EPHA6: variants seen among roughly 807,000 people sequenced by gnomAD.
The protein encoded by EPHA6 is EPH receptor A6, also known as ephrin type-A receptor 6.
Under a neutral mutation model 112.0 loss-of-function variants are expected in EPHA6, and 50 were observed. That is an observed-to-expected ratio of 0.45 (90% confidence interval 0.36 to 0.56). The LOEUF (loss-of-function observed/expected upper bound fraction) is 0.56, where lower values mean the gene tolerates loss of function less well. Among genes scored for constraint, EPHA6 ranks in the 20% least tolerant of loss-of-function variants. The pLI, the probability that EPHA6 is intolerant of heterozygous loss-of-function variation, is 0.00. For missense variants in EPHA6, 1,280 were observed against 1,417.4 expected, an observed-to-expected ratio of 0.90 and a Z score of 1.56; for synonymous variants, 529 against 490.7, an observed-to-expected ratio of 1.08 and a Z score of -1.03.
intron 1 of EPHA6, among the ~76,000 whole-genome samples, chr3:96,824,485 A>AT (rs1375653566): frequency 6.6e-6 from 1 of 151,840 alleles, no homozygotes; most frequent in African/African-American, 2.4e-5. Context: ...TATAATATAC[A>AT]TTTTTTCTGG....
At chr3:97,214,699 AT>A (rs1189274884) in intron 3 of EPHA6, among the ~76,000 whole-genome samples, 2 of 152,110 alleles carry the variant, frequency 1.3e-5, no homozygotes, top group Non-Finnish European at 2.9e-5. Flanking sequence ...AAATGAGGAT[AT>A]GTTTGTAATT....
intron 3 of EPHA6, among the ~76,000 whole-genome samples, chr3:97,216,295 C>T (rs975850856): frequency 2.0e-5 from 3 of 152,028 alleles, no homozygotes; most frequent in African/African-American, 4.8e-5. Context: ...AACCTTATCT[C>T]GCATGAACTA....
At chr3:96,966,191 A>T (rs1429989033) in intron 2 of EPHA6, among the ~76,000 whole-genome samples, 1 of 152,136 alleles carries the variant, frequency 6.6e-6, no homozygotes, top group African/African-American at 2.4e-5. Flanking sequence ...ATTAGAATTG[A>T]ATTGAATTTA....
rs566357036 is a variant in EPHA6 at position 97,398,458 on chromosome 3, C to T, written c.1607-6692C>T. Among the ~76,000 whole-genome samples, 18 of 151,030 alleles carry T rather than the reference C, an allele frequency of 1.2e-4. No individual in the cohort carries two copies. In the South Asian group the frequency reaches 1.7e-3, roughly 14 times the overall value. ...TTTATTAATGGTGGTTTATTAAGAG[C>T]GAATGTGTCTTAATTTAAATGGCAA... On this transcript the variant is annotated intron_variant, in intron 5 of 17. Coordinates refer to ENST00000389672, the MANE Select transcript of EPHA6 (RefSeq NM_001080448.3).
intron 5 of EPHA6, among the ~76,000 whole-genome samples, chr3:97,357,233 G>A (rs998288923): frequency 5.3e-5 from 8 of 152,090 alleles, no homozygotes; most frequent in African/African-American, 1.9e-4. Context: ...TTTAGATGGA[G>A]TCTCGCTCTG....
chr3:97,214,593 A>G (rs748968765), intron 3 of EPHA6, among the ~76,000 whole-genome samples: 7 of 151,740 alleles, frequency 4.6e-5, no homozygotes, highest in Non-Finnish European at 1.0e-4. Context: ...GATTTTTGCC[A>G]TATGTATAAT....
At chr3:97,107,722 A>G (rs1347805572) in intron 3 of EPHA6, among the ~76,000 whole-genome samples, 1 of 152,072 alleles carries the variant, frequency 6.6e-6, no homozygotes, top group Non-Finnish European at 1.5e-5. Flanking sequence ...TTCTATTAGA[A>G]TTTACTTGAT....
At chr3:97,120,075 G>A (rs1334168973) in intron 3 of EPHA6, among the ~76,000 whole-genome samples, 1 of 151,900 alleles carries the variant, frequency 6.6e-6, no homozygotes, top group Non-Finnish European at 1.5e-5. Flanking sequence ...AAAGTAGTTA[G>A]TTATCTTCTT....
chr3:97,710,075 T>C (rs2033888233), intron 14 of EPHA6, among the ~76,000 whole-genome samples: 1 of 152,224 alleles, frequency 6.6e-6, no homozygotes, highest in African/African-American at 2.4e-5. Flanking sequence ...GATTTATTTG[T>C]ATTAAACATA....
chr3:97,747,552 G>A lies in EPHA6; in HGVS notation c.3258G>A (p.Leu1086=). 1 of 1,606,664 alleles carries A rather than the reference G, an allele frequency of 6.2e-7. No homozygotes were observed. The change falls in exon 17 of 18, where the codon CTG becomes CTA. Residue 1086 remains leucine, a synonymous_variant. Coordinates refer to ENST00000389672, the MANE Select transcript of EPHA6 (RefSeq NM_001080448.3). ...CAGCAGGGTTTACAACATTTGACCT[G>A]ATTTCAAGAATGAGCATTGAGTAAG... ...FVAAGFTTFD[L]ISRMSIDDIR...
chr3:97,314,548 C>T (rs942075550), intron 5 of EPHA6, among the ~76,000 whole-genome samples: 33 of 151,704 alleles, frequency 2.2e-4, no homozygotes, highest in African/African-American at 8.0e-4. Flanking sequence ...TTTAGGGTAT[C>T]TAAAAGCTGA....
intron 3 of EPHA6, among the ~76,000 whole-genome samples, chr3:97,039,528 G>C (rs939403769): frequency 6.6e-6 from 1 of 151,962 alleles, no homozygotes; most frequent in African/African-American, 2.4e-5. Flanking sequence ...AGTTGGAATA[G>C]ATTATGAGAG....
At chr3:97,625,009 G>A (rs2093843910) in intron 13 of EPHA6, among the ~76,000 whole-genome samples, 1 of 151,376 alleles carries the variant, frequency 6.6e-6, no homozygotes. Flanking sequence ...TTTTGGTTTT[G>A]TGGATTTTCT....
chr3:97,297,193 C>T (rs545803326), intron 5 of EPHA6, among the ~76,000 whole-genome samples: 2 of 152,306 alleles, frequency 1.3e-5, no homozygotes, highest in South Asian at 4.1e-4. Flanking sequence ...CACCATTTCA[C>T]ACACCGGGGA....
chr3:97,074,631 A>G (rs1576439001), intron 3 of EPHA6, among the ~76,000 whole-genome samples: 1 of 152,152 alleles, frequency 6.6e-6, no homozygotes, highest in South Asian at 2.1e-4. Flanking sequence ...AATTTTATAC[A>G]TAAAATTTTG....
chr3:96,886,547 T>A (rs2037636653), intron 2 of EPHA6, among the ~76,000 whole-genome samples: 2 of 152,198 alleles, frequency 1.3e-5, no homozygotes, highest in Middle Eastern at 3.2e-3. Context: ...CCACTCCTTA[T>A]ACTTTAAGTT....
intron 11 of EPHA6, among the ~76,000 whole-genome samples, chr3:97,584,789 T>A (rs1294924927): frequency 6.6e-6 from 1 of 152,142 alleles, no homozygotes; most frequent in African/African-American, 2.4e-5. Flanking sequence ...AAAATATTTA[T>A]CCCCATGTAT....
chr3:96,978,622 G>T (rs1378667916), intron 2 of EPHA6, among the ~76,000 whole-genome samples: 1 of 151,566 alleles, frequency 6.6e-6, no homozygotes, highest in Non-Finnish European at 1.5e-5. Context: ...GAGTGTTTTG[G>T]TACCTAAGTC....
chr3:97,320,833 A>T (rs1034412991), intron 5 of EPHA6, among the ~76,000 whole-genome samples: 8 of 114,514 alleles, frequency 7.0e-5, no homozygotes, highest in South Asian at 2.7e-4. Context: ...TAAAAAAAAT[A>T]AAAAAAAAGG....
Sources: allele counts gnomAD v4.1 joint callset (sites outside exome capture counted in the v4.1 genomes callset), GRCh38; gene constraint gnomAD v4.1.1; transcripts MANE v1.5; gene names NCBI Gene and HGNC (gene_info 2026-07-23, HGNC 2026-07-21).